Variants in CNTN4 observed in about 807,000 individuals in gnomAD.
CNTN4 encodes contactin-4.
In CNTN4, 77 loss-of-function variants were observed where a neutral mutation model predicts 122.5. The observed-to-expected ratio is 0.63, with a 90% CI of 0.52 to 0.76. CNTN4 has a LOEUF of 0.76. Among genes scored for constraint, CNTN4 ranks in the 30% least tolerant of loss-of-function variants. CNTN4 has a pLI of 0.00. For synonymous variants in CNTN4, 512 were observed against 447.0 expected (o/e 1.15, Z -1.83); for missense variants, 1,256 against 1,259.1 (o/e 1.00, Z 0.04).
intron 3 of CNTN4, among the ~76,000 whole-genome samples, chr3:2,369,709 G>A (rs776509104): frequency 3.9e-5 from 6 of 151,990 alleles, no homozygotes; most frequent in African/African-American, 7.3e-5. Flanking sequence ...TCAAGAATGC[G>A]CGAGGTTCTT....
chr3:2,224,504 CTTA>C (rs34698498), intron 2 of CNTN4, among the ~76,000 whole-genome samples: 1,815 of 152,230 alleles, frequency 0.012, 18 homozygotes, highest in Middle Eastern at 0.034. Context: ...GTCCTTTCCC[CTTA>C]TTATTCAACT....
intron 3 of CNTN4, among the ~76,000 whole-genome samples, chr3:2,404,953 G>C (rs536445343): frequency 5.1e-4 from 78 of 152,220 alleles, no homozygotes; most frequent in Non-Finnish European, 1.0e-3. Context: ...AAGGCAACAA[G>C]TTTAAAAGGT....
chr3:2,753,360 TAGTC>T (rs1424787343), intron 6 of CNTN4, among the ~76,000 whole-genome samples: 3 of 152,230 alleles, frequency 2.0e-5, no homozygotes, highest in Non-Finnish European at 2.9e-5. Context: ...GTTTAGCAAA[TAGTC>T]AGGGCATAAT....
intron 2 of CNTN4, among the ~76,000 whole-genome samples, chr3:2,304,492 T>A (rs867316036): frequency 1.3e-5 from 2 of 152,252 alleles, no homozygotes; most frequent in South Asian, 2.1e-4. Flanking sequence ...TTGATTATGA[T>A]TAAAGACAGA....
At chr3:2,551,534 A>C (rs1245923451) in intron 3 of CNTN4, among the ~76,000 whole-genome samples, 1 of 152,068 alleles carries the variant, frequency 6.6e-6, no homozygotes, top group Admixed American at 6.6e-5. Flanking sequence ...GAATGGAATG[A>C]TTTTCATCAC....
chr3:2,625,611 T>G (rs1417152836), intron 4 of CNTN4, among the ~76,000 whole-genome samples: 3 of 152,230 alleles, frequency 2.0e-5, no homozygotes, highest in Non-Finnish European at 4.4e-5. Flanking sequence ...TGTGACTTGC[T>G]TCTTTCACTC....
rs187571987 is a variant in CNTN4 at position 2,669,903 on chromosome 3, T to G, written c.56-66312T>G. Among the ~76,000 whole-genome samples, 397 of 152,356 alleles carry G rather than the reference T, an allele frequency of 2.6e-3. 3 individuals are homozygous for G. Among genetic ancestry groups the G allele is most frequent in the African/African-American group, 9.0e-3 (373 of 41,586 alleles). Reference sequence around the variant, plus strand: ...TCAGTTTCCATGTAGTTGAGCAGTTTTGAGTGAGTTTCTCAATCCTGAGTT... The same window carrying G: ...TCAGTTTCCATGTAGTTGAGCAGTTGTGAGTGAGTTTCTCAATCCTGAGTT... On this transcript the variant is annotated intron_variant, in intron 4 of 24. Transcript: ENST00000418658.
intron 7 of CNTN4, among the ~76,000 whole-genome samples, chr3:2,856,749 AT>A (rs1303828439): frequency 6.6e-6 from 1 of 152,146 alleles, no homozygotes; most frequent in African/African-American, 2.4e-5. Flanking sequence ...CGCTTGAGGG[AT>A]CCTCCCCAAG....
intron 5 of CNTN4, among the ~76,000 whole-genome samples, chr3:2,744,618 T>A (rs1225177940): frequency 1.3e-5 from 2 of 152,264 alleles, no homozygotes; most frequent in Non-Finnish European, 2.9e-5. Flanking sequence ...AATCGGATAG[T>A]GACTGAGTTA....
chr3:2,341,920 C>T (rs970354268), intron 3 of CNTN4, among the ~76,000 whole-genome samples: 1 of 152,116 alleles, frequency 6.6e-6, no homozygotes, highest in Non-Finnish European at 1.5e-5. Flanking sequence ...CTCTCCAGTT[C>T]GTCACACCAT....
chr3:2,280,205 C>T (rs2041666777), intron 2 of CNTN4, among the ~76,000 whole-genome samples: 1 of 152,134 alleles, frequency 6.6e-6, no homozygotes, highest in Non-Finnish European at 1.5e-5. Context: ...AGTGATTCAC[C>T]TGCCTCAGCC....
At chr3:2,719,931 TG>T (rs2087735817) in intron 4 of CNTN4, among the ~76,000 whole-genome samples, 1 of 152,174 alleles carries the variant, frequency 6.6e-6, no homozygotes, top group African/African-American at 2.4e-5. Flanking sequence ...CATTCCAAGT[TG>T]TTTTGTTTGT....
Position 2,602,109 on chromosome 3 carries a change from A to G in CNTN4, c.55+30551A>G, listed in dbSNP as rs180821356. On this transcript the variant is annotated intron_variant, in intron 4 of 24. Transcript: ENST00000418658. Reference sequence around the variant, plus strand: ...AACGTATCTCAAAATAATAAGAGCTATTTATGACAAACCCACAGCCAATAT... The same window carrying G: ...AACGTATCTCAAAATAATAAGAGCTGTTTATGACAAACCCACAGCCAATAT... Among the ~76,000 whole-genome samples the G allele has an allele frequency of 2.5e-4, 38 of 152,306 alleles. No individual in the cohort carries two copies. In the East Asian group the frequency reaches 7.3e-3, roughly 29 times the overall value.
At chr3:2,263,430 G>A (rs1399235399) in intron 2 of CNTN4, among the ~76,000 whole-genome samples, 1 of 151,924 alleles carries the variant, frequency 6.6e-6, no homozygotes, top group East Asian at 1.9e-4. Flanking sequence ...TATTCATTCA[G>A]TAATCACTGA....
chr3:2,754,345 C>A (rs1323663551), intron 6 of CNTN4, among the ~76,000 whole-genome samples: 1 of 152,182 alleles, frequency 6.6e-6, no homozygotes, highest in East Asian at 1.9e-4. Context: ...GTAAGTCATA[C>A]ATAAGTACTT....
intron 4 of CNTN4, among the ~76,000 whole-genome samples, chr3:2,583,493 C>T (rs1340719433): frequency 1.3e-5 from 2 of 152,118 alleles, no homozygotes; most frequent in Non-Finnish European, 2.9e-5. Flanking sequence ...TATAACATGT[C>T]TAAGCTCTAT....
At chr3:2,276,506 T>A (rs2041516650) in intron 2 of CNTN4, among the ~76,000 whole-genome samples, 1 of 152,096 alleles carries the variant, frequency 6.6e-6, no homozygotes, top group South Asian at 2.1e-4. Flanking sequence ...TTAAAAAATT[T>A]GTCATGCTGG....
intron 4 of CNTN4, among the ~76,000 whole-genome samples, chr3:2,586,526 C>T (rs528247684): frequency 1.6e-4 from 24 of 152,190 alleles, no homozygotes; most frequent in East Asian, 1.2e-3. Flanking sequence ...CCCCTGATCT[C>T]GTGATCTGCC....
At chr3:2,464,876 A>G (rs1484258087) in intron 3 of CNTN4, among the ~76,000 whole-genome samples, 1 of 152,220 alleles carries the variant, frequency 6.6e-6, no homozygotes, top group Non-Finnish European at 1.5e-5. Flanking sequence ...TCATCTGGAA[A>G]TGACTTTCCT....
Sources: allele counts gnomAD v4.1 joint callset (sites outside exome capture counted in the v4.1 genomes callset), GRCh38; gene constraint gnomAD v4.1.1; transcripts MANE v1.5; gene names NCBI Gene and HGNC (gene_info 2026-07-23, HGNC 2026-07-21).